Variants in LIPC observed in about 807,000 individuals in gnomAD.
LIPC encodes the protein hepatic triacylglycerol lipase.
LIPC carries 44 observed loss-of-function variants against 50.7 expected under a neutral mutation model. That is an observed-to-expected ratio of 0.87 (90% confidence interval 0.68 to 1.11). The LOEUF (loss-of-function observed/expected upper bound fraction) is 1.11. LIPC is among the 50% of genes most tolerant of loss of function. The pLI is 0.00. For synonymous variants in LIPC, 271 were observed against 256.4 expected (o/e 1.06, Z -0.54); for missense variants, 697 against 648.2 (o/e 1.08, Z -0.82).
At chr15:58,443,689 G>C (rs1322580620) in intron 1 of LIPC, among the ~76,000 whole-genome samples, 1 of 152,226 alleles carries the variant, frequency 6.6e-6, no homozygotes, top group African/African-American at 2.4e-5. Context: ...TCACGCATGT[G>C]AAGAGACCAC....
chr15:58,511,056 A>C lies in LIPC; in HGVS notation c.89-27277A>C, dbSNP rs562279314. ...GAAGAGACTGGATCTCAAATAGCTTAAGAGACTTCCCTAACATAACTCAGC... is the reference window on the plus strand; with the variant it reads ...GAAGAGACTGGATCTCAAATAGCTTCAGAGACTTCCCTAACATAACTCAGC... On this transcript the variant is annotated intron_variant, in intron 1 of 8. Coordinates refer to ENST00000299022, the MANE Select transcript of LIPC (RefSeq NM_000236.3). Among the ~76,000 whole-genome samples the C allele has an allele frequency of 2.4e-4, 37 of 152,358 alleles. No individual in the cohort carries two copies. The East Asian group carries it at 6.5e-3, about 27-fold the overall frequency.
chr15:58,446,064 G>T (rs1163314383), intron 1 of LIPC, among the ~76,000 whole-genome samples: 1 of 152,108 alleles, frequency 6.6e-6, no homozygotes, highest in African/African-American at 2.4e-5. Context: ...TGCTGTATGT[G>T]CATATTTATA....
intron 6 of LIPC, among the ~76,000 whole-genome samples, chr15:58,554,616 T>C (rs1439099875): frequency 6.6e-6 from 1 of 151,532 alleles, no homozygotes; most frequent in Non-Finnish European, 1.5e-5. Context: ...TAATTAGGAC[T>C]GGGTGTGGCG....
rs558476494 is a variant in LIPC, at chr15:58,507,467, C to T, written c.89-30866C>T. Among the ~76,000 whole-genome samples, 9 of 152,254 alleles carry T rather than the reference C, an allele frequency of 5.9e-5. No homozygotes were observed. In the South Asian group the frequency reaches 6.2e-4, roughly 11 times the overall value. On this transcript the variant is annotated intron_variant, in intron 1 of 8. Coordinates refer to ENST00000299022, the MANE Select transcript of LIPC (RefSeq NM_000236.3). ...GATCAGTCATCTGCATAAGGTCTTG[C>T]GACATATCTACGATTGAATTATTTC...
At chr15:58,514,328 G>A (rs1419028343) in intron 1 of LIPC, among the ~76,000 whole-genome samples, 5 of 152,212 alleles carry the variant, frequency 3.3e-5, no homozygotes, top group Non-Finnish European at 5.9e-5. Context: ...CATTTGCAAA[G>A]CATTAGCAGT....
intron 1 of LIPC, among the ~76,000 whole-genome samples, chr15:58,473,268 C>G (rs1012637461): frequency 2.6e-5 from 4 of 152,084 alleles, no homozygotes; most frequent in Admixed American, 2.6e-4. Context: ...AGAGATCTGC[C>G]AGGGAATCAG....
At position 58,460,066 on chromosome 15, in the gene LIPC, C is replaced by T. The variant is rs575734885; in HGVS notation, c.88+27946C>T. Among the ~76,000 whole-genome samples, 2 of 152,332 alleles carry T rather than the reference C, an allele frequency of 1.3e-5. 1 individual carries two copies. Among genetic ancestry groups the T allele is most frequent in the African/African-American group, 4.8e-5 (2 of 41,576 alleles). On this transcript the variant is annotated intron_variant, in intron 1 of 8. Coordinates refer to ENST00000299022, the MANE Select transcript of LIPC (RefSeq NM_000236.3). ...TCCCGTACTGCAGCTTCCAAGCCCA[C>T]GGTGGTTACGTCTGAGCACCCTGTA...
At chr15:58,523,850 G>A (rs147712537) in intron 1 of LIPC, among the ~76,000 whole-genome samples, 113 of 151,768 alleles carry the variant, frequency 7.4e-4, no homozygotes, top group African/African-American at 1.6e-3. Context: ...AGGGAGGATC[G>A]CTTGAGCCCA....
rs746039268 is a variant in LIPC at position 58,542,669 on chromosome 15, C to T, written c.574+18C>T. On this transcript the variant is annotated intron_variant, in intron 4 of 8. Coordinates refer to ENST00000299022, the MANE Select transcript of LIPC (RefSeq NM_000236.3). ...AATCACAGGTAACCATGCCTAATAA[C>T]TCACACACTGATCTCCACTCCATAG... The T allele has an allele frequency of 1.1e-5, 16 of 1,518,414 alleles. No homozygotes were observed. The highest frequency in any genetic ancestry group is 1.5e-5 in the Non-Finnish European group (16 of 1,093,172). 94.1% of individuals were successfully genotyped at this position (1,518,414 alleles called of 1,614,324 possible).
chr15:58,556,403 TC>T (rs1893954245), intron 6 of LIPC, among the ~76,000 whole-genome samples: 2 of 152,226 alleles, frequency 1.3e-5, no homozygotes, highest in Non-Finnish European at 2.9e-5. Context: ...CTCTTTTTTT[TC>T]CTTTTCAATA....
chr15:58,568,345 G>A (rs2140966629), intron 8 of LIPC, among the ~76,000 whole-genome samples: 1 of 152,326 alleles, frequency 6.6e-6, no homozygotes, highest in East Asian at 1.9e-4. Context: ...GCCTTAGGAG[G>A]AAGGGTTGAG....
At chr15:58,533,644 G>A (rs1459411329) in intron 1 of LIPC, among the ~76,000 whole-genome samples, 1 of 152,118 alleles carries the variant, frequency 6.6e-6, no homozygotes, top group African/African-American at 2.4e-5. Flanking sequence ...TTGATGCTAT[G>A]AGAAAATGAT....
At chr15:58,552,191 G>A (rs1434456877) in intron 6 of LIPC, among the ~76,000 whole-genome samples, 5 of 152,202 alleles carry the variant, frequency 3.3e-5, no homozygotes, top group Admixed American at 6.5e-5. Flanking sequence ...GCCCTCGGGG[G>A]GCACTCTGCC....
rs115801140 is a variant in LIPC, at chr15:58,478,749, T to G, written c.88+46629T>G. On this transcript the variant is annotated intron_variant, in intron 1 of 8. Coordinates refer to ENST00000299022, the MANE Select transcript of LIPC (RefSeq NM_000236.3). ...TACTAGAACTACTGCACGCTTGTTT[T>G]GTAACATTTACAGAACTATAGTTCA... is the stretch of plus-strand genomic sequence containing the variant. 8.2e-3 allele frequency among the ~76,000 whole-genome samples: 1,242 copies of G among 152,340 alleles called. 13 individuals are homozygous for G. The highest frequency in any genetic ancestry group is 0.029 in the African/African-American group (1,199 of 41,582).
chr15:58,465,286 T>G (rs1181672229), intron 1 of LIPC, among the ~76,000 whole-genome samples: 1 of 152,186 alleles, frequency 6.6e-6, no homozygotes, highest in Non-Finnish European at 1.5e-5. Context: ...ATGTGTTTAT[T>G]GATTGATGGA....
chr15:58,514,062 G>A (rs1892413118), intron 1 of LIPC, among the ~76,000 whole-genome samples: 1 of 152,206 alleles, frequency 6.6e-6, no homozygotes, highest in Non-Finnish European at 1.5e-5. Context: ...CATGAGAAGA[G>A]AATGACAACA....
intron 4 of LIPC, among the ~76,000 whole-genome samples, chr15:58,543,985 T>C (rs1337165823): frequency 2.6e-5 from 4 of 152,232 alleles, no homozygotes; most frequent in African/African-American, 9.6e-5. Flanking sequence ...GAATTTCTTT[T>C]AACTTGAGAA....
intron 1 of LIPC, among the ~76,000 whole-genome samples, chr15:58,432,862 G>C (rs895375799): frequency 1.3e-5 from 2 of 152,192 alleles, no homozygotes; most frequent in African/African-American, 4.8e-5. Context: ...TACTGGTCAG[G>C]AGCTAGTAAC....
chr15:58,437,039 C>T (rs897952593), intron 1 of LIPC: 2 of 363,058 alleles, frequency 5.5e-6, no homozygotes, highest in African/African-American at 4.3e-5. Context: ...CCAGCTACTG[C>T]TAAGTCCAAC....
Sources: allele counts gnomAD v4.1 joint callset (sites outside exome capture counted in the v4.1 genomes callset), GRCh38; gene constraint gnomAD v4.1.1; transcripts MANE v1.5; gene names NCBI Gene and HGNC (gene_info 2026-07-23, HGNC 2026-07-21).